The following CCDC15 variants were observed in gnomAD, a reference collection of about 807,000 sequenced individuals.
CCDC15 encodes coiled-coil domain containing 15, also known as coiled-coil domain-containing protein 15.
CCDC15 carries 105 observed loss-of-function variants against 114.5 expected under a neutral mutation model. The observed-to-expected ratio is 0.92, with a 90% confidence interval of 0.78 to 1.08. CCDC15 has a LOEUF of 1.08. CCDC15 is among the 50% of genes least tolerant of loss of function. CCDC15 has a pLI of 0.00. For synonymous variants in CCDC15, 334 were observed against 377.8 expected, an observed-to-expected ratio of 0.88 and a Z score of 1.34; for missense variants, 1,105 against 1,093.6, an observed-to-expected ratio of 1.01 and a Z score of -0.15.
chr11:125,023,085 C>G (rs1178836447), intron 13 of CCDC15, among the ~76,000 whole-genome samples: 1 of 151,832 alleles, frequency 6.6e-6, no homozygotes, highest in Non-Finnish European at 1.5e-5. Context: ...TTTAACAAGT[C>G]TTTGCCTAAC....
intron 11 of CCDC15, among the ~76,000 whole-genome samples, chr11:125,001,916 A>G (rs773602781): frequency 1.3e-5 from 2 of 151,906 alleles, no homozygotes; most frequent in Non-Finnish European, 2.9e-5. Flanking sequence ...GTCATATTAT[A>G]CCTCATAGTG....
intron 8 of CCDC15, among the ~76,000 whole-genome samples, chr11:124,988,789 A>T (rs907482112): frequency 6.6e-6 from 1 of 152,232 alleles, no homozygotes; most frequent in Non-Finnish European, 1.5e-5. Context: ...TTTGCTCATC[A>T]TAAGAAGTAA....
chr11:124,975,113 A>G lies in CCDC15; in HGVS notation c.534A>G (p.Lys178=). The G allele has an allele frequency of 6.3e-7, 1 of 1,587,176 alleles. No individual in the cohort carries two copies. Among genetic ancestry groups the G allele is most frequent in the Non-Finnish European group, 8.6e-7 (1 of 1,169,294 alleles). The part of the protein sequence containing the change: ...QQAQALSETM[K]QARHRLASFK... ...CCTGGCAGCTTAGTGAAACTATGAAACAGGCACGTCACCGGCTAGCATCCT... is the reference window on the plus strand; with the variant it reads ...CCTGGCAGCTTAGTGAAACTATGAAGCAGGCACGTCACCGGCTAGCATCCT... Residue 178 remains lysine (K), a synonymous_variant, in exon 5 of 16, where the codon AAA becomes AAG. Transcript: ENST00000344762.
At chr11:125,021,024 T>G (rs1242468804) in intron 13 of CCDC15, among the ~76,000 whole-genome samples, 1 of 151,766 alleles carries the variant, frequency 6.6e-6, no homozygotes, top group East Asian at 1.9e-4. Flanking sequence ...ATGTTGGTGC[T>G]ATAGCTTTGT....
chr11:125,033,028 A>G (rs1229521601), intron 13 of CCDC15, among the ~76,000 whole-genome samples: 1 of 152,204 alleles, frequency 6.6e-6, no homozygotes, highest in East Asian at 1.9e-4. Context: ...AGAAAGATTT[A>G]TAGCATAAAT....
At chr11:125,014,122 C>T (rs1352798084) in intron 13 of CCDC15, among the ~76,000 whole-genome samples, 1 of 151,994 alleles carries the variant, frequency 6.6e-6, no homozygotes, top group Non-Finnish European at 1.5e-5. Context: ...GAGAAAGGGC[C>T]CAATATACAT....
chr11:125,027,163 A>G (rs949700764), intron 13 of CCDC15, among the ~76,000 whole-genome samples: 13 of 152,052 alleles, frequency 8.5e-5, no homozygotes, highest in Non-Finnish European at 1.5e-5. Context: ...TGTTGGTTCC[A>G]TATTTTTGCA....
At chr11:125,013,101 G>A (rs1565379321) in intron 13 of CCDC15, among the ~76,000 whole-genome samples, 2 of 152,042 alleles carry the variant, frequency 1.3e-5, no homozygotes, top group Non-Finnish European at 2.9e-5. Flanking sequence ...TACCATGATA[G>A]GATGAGCACC....
At chr11:125,021,537 T>G (rs1948660615) in intron 13 of CCDC15, among the ~76,000 whole-genome samples, 1 of 151,834 alleles carries the variant, frequency 6.6e-6, no homozygotes, top group Non-Finnish European at 1.5e-5. Context: ...TAAAAAAGCA[T>G]GTACTGGATG....
chr11:124,980,600 G>T (rs1413247024), intron 6 of CCDC15, among the ~76,000 whole-genome samples: 1 of 152,130 alleles, frequency 6.6e-6, no homozygotes, highest in African/African-American at 2.4e-5. Context: ...TTGTGTTTCT[G>T]TGAGGCCAGT....
At position 124,987,141 on chromosome 11, in the gene CCDC15, A is replaced by C. The variant is rs775210897; in HGVS notation, c.915A>C (p.Lys305Asn). The change falls in exon 8 of 16, where the codon AAA becomes AAC. Residue 305 changes from lysine (K) to asparagine (N), a missense_variant. Coordinates refer to ENST00000344762, the MANE Select transcript of CCDC15 (RefSeq NM_025004.3). ...TTCACTTTTAGAAAGTAAAATTCAA[A>C]AATCCATTATTTGTTCTGATGGAAG... The part of the protein sequence containing the change: ...PFSRVQKVKF[K>N]NPLFVLMEEE... The C allele has an allele frequency of 6.6e-7, 1 of 1,508,170 alleles. No homozygotes were observed. The highest frequency in any genetic ancestry group is 1.4e-5 in the African/African-American group (1 of 71,636). The allele number at this position is 1,508,170 out of a possible 1,614,324, so 93.4% of individuals were successfully genotyped here. A position where few individuals can be genotyped will look rare whatever the true frequency, so the allele number is the denominator to read the frequency against.
rs555890973 is a variant in CCDC15, at chr11:124,999,036, C to G, written c.2215-4831C>G. Among the ~76,000 whole-genome samples the G allele has an allele frequency of 1.4e-3, 218 of 151,902 alleles. 1 individual carries two copies. Among genetic ancestry groups the G allele is most frequent in the Admixed American group, 6.2e-3 (95 of 15,244 alleles). ...ACAGGCGTGAACCACTGCGCCCGGC[C>G]GAGAGTCTCTACTTATTGACTCTTT... On this transcript the variant is annotated intron_variant, in intron 11 of 15. Transcript: ENST00000344762.
At chr11:124,992,807 G>A in intron 10 of CCDC15, 120 bp downstream of exon 10, 3 of 597,870 alleles carry the variant, frequency 5.0e-6, no homozygotes, top group South Asian at 5.1e-5. Context: ...ATAGAATTAA[G>A]GCCTCCAGAA....
intron 13 of CCDC15, among the ~76,000 whole-genome samples, chr11:125,031,991 G>A (rs556112686): frequency 3.3e-5 from 5 of 152,158 alleles, no homozygotes; most frequent in South Asian, 2.1e-4. Context: ...GGAATATCTC[G>A]ACAGGTCCCA....
chr11:125,037,001 G>T (rs1183523296), intron 13 of CCDC15, among the ~76,000 whole-genome samples: 2 of 152,116 alleles, frequency 1.3e-5, no homozygotes, highest in Middle Eastern at 3.2e-3. Flanking sequence ...TTTTGGTGAG[G>T]TCATATTTCC....
chr11:124,977,350 C>T, intron 5 of CCDC15, 128 bp from the exon 6 acceptor site: 2 of 739,776 alleles, frequency 2.7e-6, no homozygotes, highest in South Asian at 3.2e-5. Flanking sequence ...TGTTTTTTCC[C>T]TTTACTGTGT....
At chr11:125,010,459 T>C (rs1481713240) in intron 13 of CCDC15, among the ~76,000 whole-genome samples, 1 of 151,754 alleles carries the variant, frequency 6.6e-6, no homozygotes, top group Non-Finnish European at 1.5e-5. Flanking sequence ...GCCTCCCAGA[T>C]TCAAGTGATT....
chr11:124,989,481 T>G (rs1412026485), intron 8 of CCDC15, among the ~76,000 whole-genome samples: 1 of 152,254 alleles, frequency 6.6e-6, no homozygotes, highest in East Asian at 1.9e-4. Flanking sequence ...ACCAGCTGCA[T>G]TAGCCACTAA....
intron 4 of CCDC15, among the ~76,000 whole-genome samples, chr11:124,973,763 C>CA (rs2135455798): frequency 6.6e-6 from 1 of 152,028 alleles, no homozygotes; most frequent in South Asian, 2.1e-4. Flanking sequence ...TCTTGAGTAA[C>CA]AGACTACAGG....
Sources: gnomAD v4.1 joint callset for allele counts (sites outside exome capture counted in the v4.1 genomes callset) on GRCh38, gnomAD v4.1.1 for gene constraint, MANE v1.5 for transcripts, NCBI Gene and HGNC (gene_info 2026-07-23, HGNC 2026-07-21) for gene names.